KCNN2: variants seen among roughly 807,000 people sequenced by gnomAD.
KCNN2 encodes the protein potassium calcium-activated channel subfamily N member 2, also known as small conductance calcium-activated potassium channel protein 2.
KCNN2 carries 24 observed loss-of-function variants against 55.5 expected under a neutral mutation model. The observed-to-expected ratio is 0.43, with a 90% CI of 0.31 to 0.61. KCNN2 has a LOEUF of 0.61. Ranked by LOEUF, KCNN2 falls within the 20% of genes least tolerant of loss-of-function variation. The pLI, the probability that KCNN2 is intolerant of heterozygous loss-of-function variation, is 0.08. For synonymous variants in KCNN2, 431 were observed against 336.1 expected (o/e 1.28, Z -3.09); for missense variants, 754 against 853.6 (o/e 0.88, Z 1.45).
intron 1 of KCNN2, among the ~76,000 whole-genome samples, chr5:114,213,632 C>A (rs1346875495): frequency 6.6e-6 from 1 of 151,134 alleles, no homozygotes; most frequent in Non-Finnish European, 1.5e-5. Flanking sequence ...TTTTTTCTTT[C>A]TTTTTCATTC....
At chr5:114,363,321 C>T in intron 1 of KCNN2, 60 bp downstream of exon 1, 1 of 1,487,430 alleles carries the variant, frequency 6.7e-7, no homozygotes, top group African/African-American at 1.4e-5. Context: ...TTGGGATGGG[C>T]ACTGGCGGGG....
chr5:114,287,840 C>T (rs1053679561), intron 2 of KCNN2, among the ~76,000 whole-genome samples: 4 of 151,802 alleles, frequency 2.6e-5, no homozygotes, highest in Non-Finnish European at 4.4e-5. Flanking sequence ...AACTTTTAGA[C>T]ATCATCAACA....
chr5:114,213,143 C>G (rs190565302), intron 1 of KCNN2, among the ~76,000 whole-genome samples: 3 of 151,934 alleles, frequency 2.0e-5, no homozygotes, highest in Non-Finnish European at 4.4e-5. Context: ...ATTCCTTTGT[C>G]TCCATAGTTG....
intron 2 of KCNN2, among the ~76,000 whole-genome samples, chr5:114,402,042 A>G (rs189031494): frequency 6.2e-4 from 95 of 152,328 alleles, no homozygotes; most frequent in Non-Finnish European, 1.1e-3. Context: ...AGTGAGAGAA[A>G]AGTCAGAGAT....
At chr5:114,442,057 A>G (rs1166109604) in intron 3 of KCNN2, among the ~76,000 whole-genome samples, 1 of 152,148 alleles carries the variant, frequency 6.6e-6, no homozygotes, top group East Asian at 1.9e-4. Context: ...CAAATTAAAA[A>G]GAGAAAAAAG....
intron 1 of KCNN2, among the ~76,000 whole-genome samples, chr5:114,098,648 C>G (rs192323412): frequency 1.3e-5 from 2 of 152,138 alleles, no homozygotes; most frequent in Admixed American, 1.3e-4. Flanking sequence ...TCCCACGAAA[C>G]TGGTCCCTGG....
intron 3 of KCNN2, among the ~76,000 whole-genome samples, chr5:114,454,744 C>T (rs1323578581): frequency 6.6e-6 from 1 of 152,164 alleles, no homozygotes; most frequent in Admixed American, 6.6e-5. Context: ...TGATACCAGG[C>T]AGGGCAGGTA....
chr5:114,495,736 C>T (rs1748082227), intron 7 of KCNN2, among the ~76,000 whole-genome samples, 159 bp from the exon 8 acceptor site: 1 of 152,176 alleles, frequency 6.6e-6, no homozygotes, highest in African/African-American at 2.4e-5. Flanking sequence ...GCATTGAACA[C>T]ATACAATGAG....
intron 2 of KCNN2, among the ~76,000 whole-genome samples, chr5:114,289,451 A>G (rs548416425): frequency 6.7e-6 from 1 of 149,428 alleles, no homozygotes; most frequent in African/African-American, 2.5e-5. Context: ...CTCTCTGCTC[A>G]CTGTTACCTC....
chr5:114,131,057 CT>C (rs979663207), intron 1 of KCNN2, among the ~76,000 whole-genome samples: 5 of 151,462 alleles, frequency 3.3e-5, no homozygotes, highest in African/African-American at 9.7e-5. Flanking sequence ...TGACAGCGTT[CT>C]TTTTTTTTCT....
intron 2 of KCNN2, among the ~76,000 whole-genome samples, chr5:114,384,320 T>G (rs1228334618): frequency 6.6e-6 from 1 of 152,246 alleles, no homozygotes; most frequent in Admixed American, 6.5e-5. Context: ...AGAACAATCT[T>G]TATCCATAAT....
At chr5:114,374,181 CCTT>C (rs1757865820) in intron 2 of KCNN2, among the ~76,000 whole-genome samples, 1 of 152,122 alleles carries the variant, frequency 6.6e-6, no homozygotes, top group African/African-American at 2.4e-5. Flanking sequence ...TACATTAACT[CCTT>C]CAGGCATCAC....
chr5:114,450,053 G>C (rs1393044681), intron 3 of KCNN2, among the ~76,000 whole-genome samples: 5 of 152,146 alleles, frequency 3.3e-5, no homozygotes, highest in Admixed American at 6.5e-5. Context: ...CAGCTGTGGG[G>C]ATAAACTGGT....
intron 3 of KCNN2, among the ~76,000 whole-genome samples, chr5:114,456,234 G>A (rs188914765): frequency 3.7e-4 from 56 of 152,240 alleles, no homozygotes; most frequent in African/African-American, 1.2e-3. Flanking sequence ...AGGCAATCCT[G>A]ATTTACCATG....
intron 2 of KCNN2, among the ~76,000 whole-genome samples, chr5:114,355,249 G>C (rs934217386): frequency 3.3e-5 from 5 of 152,158 alleles, no homozygotes; most frequent in Non-Finnish European, 7.4e-5. Context: ...GGCAAACATA[G>C]TAATAGGGAG....
chr5:114,440,972 G>A (rs13175836), intron 3 of KCNN2, among the ~76,000 whole-genome samples: 139,236 of 152,086 alleles, frequency 0.92, 65,030 homozygotes, highest in East Asian at 1. Flanking sequence ...AAGTATGTCA[G>A]TGGGTTGAAA....
intron 1 of KCNN2, among the ~76,000 whole-genome samples, chr5:114,092,496 G>A (rs918266941): frequency 1.3e-5 from 2 of 152,136 alleles, no homozygotes; most frequent in Non-Finnish European, 2.9e-5. Flanking sequence ...GGAGGACAGT[G>A]GCCCTCTTCT....
At chr5:114,390,934 G>A (rs1179355337) in intron 2 of KCNN2, among the ~76,000 whole-genome samples, 1 of 152,036 alleles carries the variant, frequency 6.6e-6, no homozygotes, top group African/African-American at 2.4e-5. Context: ...ACATGTGAAA[G>A]GGGAGTAAGA....
At chr5:114,138,934 T>C (rs1264284940) in intron 1 of KCNN2, among the ~76,000 whole-genome samples, 2 of 152,186 alleles carry the variant, frequency 1.3e-5, no homozygotes, top group African/African-American at 2.4e-5. Flanking sequence ...TCACACGTTA[T>C]GGCAATTGCA....
Sources: gnomAD v4.1 joint callset for allele counts (sites outside exome capture counted in the v4.1 genomes callset) on GRCh38, gnomAD v4.1.1 for gene constraint, MANE v1.5 for transcripts, NCBI Gene and HGNC (gene_info 2026-07-23, HGNC 2026-07-21) for gene names.